CCDC178: variants seen among roughly 807,000 people sequenced by gnomAD.
CCDC178 encodes coiled-coil domain containing 178.
Under a neutral mutation model 117.4 loss-of-function variants are expected in CCDC178, and 126 were observed. That is an observed-to-expected ratio of 1.07 (90% CI 0.93 to 1.24). The LOEUF is 1.24. Ranked by LOEUF, CCDC178 falls within the 50% of genes most tolerant of loss-of-function variation. The pLI, the probability that CCDC178 is intolerant of heterozygous loss-of-function variation, is 0.00. For synonymous variants in CCDC178, 283 were observed against 313.4 expected (o/e 0.90, Z 1.02); for missense variants, 1,030 against 986.9 (o/e 1.04, Z -0.59).
chr18:33,067,305 A>C (rs2144983858), intron 21 of CCDC178, among the ~76,000 whole-genome samples: 1 of 152,326 alleles, frequency 6.6e-6, no homozygotes, highest in Non-Finnish European at 1.5e-5. Flanking sequence ...TCCTAAAACA[A>C]ATGAAAATTA....
chr18:33,146,550 G>A (rs547765062), intron 20 of CCDC178, among the ~76,000 whole-genome samples: 1 of 152,248 alleles, frequency 6.6e-6, no homozygotes, highest in Admixed American at 6.5e-5. Flanking sequence ...TACATGGGAG[G>A]CTGAGGCAGA....
intron 11 of CCDC178, among the ~76,000 whole-genome samples, chr18:33,304,876 G>A (rs762934481): frequency 6.6e-6 from 1 of 152,132 alleles, no homozygotes; most frequent in Non-Finnish European, 1.5e-5. Context: ...TCAAGTTCAG[G>A]GAAGTTCATT....
intron 21 of CCDC178, among the ~76,000 whole-genome samples, chr18:33,018,433 T>G (rs904626571): frequency 6.6e-6 from 1 of 151,994 alleles, no homozygotes; most frequent in Non-Finnish European, 1.5e-5. Flanking sequence ...TCAAGAGAAG[T>G]GTAAAGGTAT....
chr18:32,983,172 G>T, intron 21 of CCDC178: 1 of 645,862 alleles, frequency 1.5e-6, no homozygotes, highest in Non-Finnish European at 2.6e-6. Context: ...GTACACTGGA[G>T]TGGGAATTGG....
intron 20 of CCDC178, among the ~76,000 whole-genome samples, chr18:33,173,793 C>T (rs1373766545): frequency 2.0e-5 from 3 of 152,114 alleles, no homozygotes; most frequent in Non-Finnish European, 4.4e-5. Flanking sequence ...GTCCTGGGTT[C>T]GTCTGGAACT....
At chr18:33,338,083 T>C (rs2062765699) in intron 9 of CCDC178, among the ~76,000 whole-genome samples, 1 of 152,126 alleles carries the variant, frequency 6.6e-6, no homozygotes, top group South Asian at 2.1e-4. Context: ...CATCAAAAAA[T>C]GGGCTAAGGA....
intron 11 of CCDC178, among the ~76,000 whole-genome samples, chr18:33,313,967 G>A (rs1293181788): frequency 2.0e-5 from 3 of 151,808 alleles, no homozygotes; most frequent in South Asian, 2.1e-4. Flanking sequence ...TTGGGAGGCC[G>A]AGGCGGGCGG....
chr18:33,344,280 C>G (rs565557211), intron 9 of CCDC178, among the ~76,000 whole-genome samples: 2 of 135,224 alleles, frequency 1.5e-5, no homozygotes, highest in African/African-American at 5.7e-5. Flanking sequence ...GTCCGCAGTC[C>G]GGCCTGGGCG....
At chr18:33,350,983 C>G (rs1174987420) in intron 7 of CCDC178, among the ~76,000 whole-genome samples, 1 of 152,070 alleles carries the variant, frequency 6.6e-6, no homozygotes, top group Middle Eastern at 3.2e-3. Flanking sequence ...TCTTCACCAT[C>G]AGGTATAATA....
chr18:33,348,860 C>T lies in CCDC178; in HGVS notation c.457+30G>A, dbSNP rs537426624. ...AAGTCAATGAACTTTTAAATATATA[C>T]AGTTATTCAAGTAGGAGGAACAACT... On this transcript the variant is annotated intron_variant, in intron 8 of 22. Transcript: ENST00000383096. 2.0e-5 allele frequency: 27 copies of T among 1,356,216 alleles called. No individual in the cohort carries two copies. The South Asian group carries it at 3.1e-4, about 15-fold the overall frequency. 84.0% of individuals were successfully genotyped at this position (1,356,216 alleles called of 1,614,324 possible).
chr18:32,952,069 C>A (rs969982911), intron 22 of CCDC178, among the ~76,000 whole-genome samples: 1 of 152,214 alleles, frequency 6.6e-6, no homozygotes, highest in South Asian at 2.1e-4. Context: ...TACAGCCCCC[C>A]CTCCCAGCTG....
chr18:33,351,148 ATGTGTGTGTGTGTG>A (rs143702049), intron 7 of CCDC178, among the ~76,000 whole-genome samples: 6 of 138,084 alleles, frequency 4.3e-5, no homozygotes, highest in Non-Finnish European at 7.7e-5. Context: ...ACTGATCATG[ATGTGTGTGTGTGTG>A]TGTGTGTGTG....
chr18:32,945,691 G>T (rs1232864643), intron 22 of CCDC178, among the ~76,000 whole-genome samples: 2 of 151,978 alleles, frequency 1.3e-5, no homozygotes, highest in Non-Finnish European at 2.9e-5. Context: ...TAAATCTAAA[G>T]GTGCATGCTT....
intron 22 of CCDC178, among the ~76,000 whole-genome samples, chr18:32,953,648 T>C (rs2054535426): frequency 1.3e-5 from 2 of 152,198 alleles, no homozygotes; most frequent in Admixed American, 1.3e-4. Flanking sequence ...AAATGTTCTT[T>C]TAGAAATGTT....
intron 15 of CCDC178, among the ~76,000 whole-genome samples, chr18:33,228,516 T>G (rs1025498166): frequency 1.3e-5 from 2 of 152,234 alleles, no homozygotes; most frequent in Admixed American, 6.5e-5. Flanking sequence ...CACTTGTATT[T>G]CTCTGAAAAG....
intron 2 of CCDC178, among the ~76,000 whole-genome samples, chr18:33,430,950 C>T (rs193098615): frequency 2.3e-3 from 356 of 151,910 alleles, no homozygotes; most frequent in African/African-American, 8.0e-3. Flanking sequence ...TGGTGGGCCC[C>T]TGTGGTCCCA....
At chr18:33,351,220 A>T (rs1599205672) in intron 7 of CCDC178, among the ~76,000 whole-genome samples, 1 of 150,606 alleles carries the variant, frequency 6.6e-6, no homozygotes, top group Non-Finnish European at 1.5e-5. Flanking sequence ...TTTGAGACAA[A>T]GTCTCACTGT....
chr18:32,950,426 G>A (rs766780983), intron 22 of CCDC178, among the ~76,000 whole-genome samples: 1 of 152,134 alleles, frequency 6.6e-6, no homozygotes, highest in African/African-American at 2.4e-5. Flanking sequence ...ATGACCAATG[G>A]CTTGAAAACT....
chr18:33,049,639 G>C (rs568384016), intron 21 of CCDC178, among the ~76,000 whole-genome samples: 2 of 152,246 alleles, frequency 1.3e-5, no homozygotes, highest in South Asian at 4.1e-4. Context: ...GTGAGTGTTT[G>C]ATAAACACTG....
Sources: allele counts gnomAD v4.1 joint callset (sites outside exome capture counted in the v4.1 genomes callset), GRCh38; gene constraint gnomAD v4.1.1; transcripts MANE v1.5; gene names NCBI Gene and HGNC (gene_info 2026-07-23, HGNC 2026-07-21).